Variants in SNX1 observed in about 807,000 individuals in gnomAD.
SNX1 encodes the protein sorting nexin-1.
SNX1 carries 36 observed loss-of-function variants against 71.8 expected under a neutral mutation model. The observed-to-expected ratio is 0.50, with a 90% CI of 0.38 to 0.66. The LOEUF (loss-of-function observed/expected upper bound fraction) is 0.66. SNX1 is among the 30% of genes least tolerant of loss of function. SNX1 has a pLI of 0.00. For missense variants in SNX1, 612 were observed against 646.7 expected (o/e 0.95, Z 0.58); for synonymous variants, 254 against 240.7 (o/e 1.06, Z -0.51).
At chr15:64,121,114 C>G (rs1207522629) in intron 4 of SNX1, among the ~76,000 whole-genome samples, 1 of 152,156 alleles carries the variant, frequency 6.6e-6, no homozygotes, top group Non-Finnish European at 1.5e-5. Context: ...GCTAGTTATT[C>G]ACCGCTTTAA....
rs74019206 is a variant in SNX1, at chr15:64,123,583, A to G, written c.510+37A>G. 2.2e-3 allele frequency: 3,401 copies of G among 1,569,278 alleles called. 76 individuals are homozygous for G. The African/African-American group carries it at 0.04, about 19-fold the overall frequency. ...TGACCCTGCTGATGACCATCTTCAT[A>G]GACTTTGGTGCTTATACCAAGGTCA... On this transcript the variant is annotated intron_variant, in intron 5 of 14. Transcript: ENST00000559844.
At chr15:64,100,202 C>T (rs182865958) in intron 1 of SNX1, among the ~76,000 whole-genome samples, 3 of 152,326 alleles carry the variant, frequency 2.0e-5, no homozygotes, top group Admixed American at 2.0e-4. Flanking sequence ...CTCTCTTTTA[C>T]AGCCCAAGAG....
rs770970203 is a variant in SNX1 at position 64,118,219 on chromosome 15, CGAA to C, written c.376_378del (p.Lys126del). 1 of 1,613,420 alleles carries C rather than the reference CGAA, an allele frequency of 6.2e-7. No homozygotes were observed. The highest frequency in any genetic ancestry group is 1.1e-5 in the South Asian group (1 of 91,020). ...CCTCCTCAGGAAGCCACAAATTCTTCGAAGCCCCAGCCAACCTATGAGGAGGTG... is the reference window on the plus strand; with the variant it reads ...CCTCCTCAGGAAGCCACAAATTCTTCGCCCCAGCCAACCTATGAGGAGGTG... On this transcript the variant is annotated inframe_deletion, in exon 3 of 15. Coordinates refer to ENST00000559844, the MANE Select transcript of SNX1 (RefSeq NM_003099.5).
In SNX1 at chr15:64,141,039, TAG is replaced by T. The variant is rs1433234688; in HGVS notation, c.*3423_*3424del. On this transcript the variant is annotated 3_prime_UTR_variant, in exon 15 of 15. Transcript: ENST00000559844. The surrounding 1 kb of genome is among the most constrained non-coding windows in gnomAD (Gnocchi z 5.1). ...TAGATAGATAGATGATAGATATAGA[TAG>T]ATAGATAGATTGATTGATTTGTAGA... The T allele has an allele frequency of 2.1e-5, 3 of 140,438 alleles. No individual in the cohort carries two copies. Among genetic ancestry groups the T allele is most frequent in the African/African-American group, 5.8e-5 (2 of 34,428 alleles). 8.7% of individuals were successfully genotyped at this position (140,438 alleles called of 1,614,324 possible). A position where few individuals can be genotyped will look rare whatever the true frequency, so the allele number is the denominator to read the frequency against.
chr15:64,137,368 G>A (rs543685666), intron 14 of SNX1, among the ~76,000 whole-genome samples, 200 bp from the exon 15 acceptor site: 3 of 152,334 alleles, frequency 2.0e-5, no homozygotes, highest in Admixed American at 6.5e-5. Context: ...GACTGCCCTT[G>A]CACTTGGGGC....
chr15:64,116,584 T>C (rs1276172313), intron 2 of SNX1, among the ~76,000 whole-genome samples: 1 of 152,218 alleles, frequency 6.6e-6, no homozygotes, highest in Non-Finnish European at 1.5e-5. Context: ...GCATAAACCA[T>C]CATCTCTGGT....
At chr15:64,124,147 C>CATAGATATATATATAT (rs2081223975) in intron 5 of SNX1, among the ~76,000 whole-genome samples, 1 of 105,434 alleles carries the variant, frequency 9.5e-6, no homozygotes, top group Admixed American at 8.2e-5. Context: ...GAAATCTTTA[C>CATAGATATATATATAT]ATATATATAT....
At chr15:64,096,301 C>G (rs576256453) in intron 1 of SNX1, 129 bp downstream of exon 1, 5 of 1,128,904 alleles carry the variant, frequency 4.4e-6, no homozygotes, top group South Asian at 1.6e-5. Context: ...CAGTCCGGGC[C>G]CCGGGGACCC....
intron 9 of SNX1, 50 bp downstream of exon 9, chr15:64,130,079 T>TTCTGACC: frequency 1.3e-6 from 2 of 1,511,240 alleles, no homozygotes; most frequent in Non-Finnish European, 1.8e-6. Flanking sequence ...GGCTTATGGG[T>TTCTGACC]CAGAACCCCT....
chr15:64,136,998 G>T, intron 14 of SNX1, 66 bp downstream of exon 14: 1 of 1,333,546 alleles, frequency 7.5e-7, no homozygotes, highest in Non-Finnish European at 1.1e-6. Flanking sequence ...CCTCCTCGGG[G>T]CTTCTGCAAC....
At chr15:64,109,996 G>A (rs2081063010) in intron 1 of SNX1, among the ~76,000 whole-genome samples, 1 of 152,080 alleles carries the variant, frequency 6.6e-6, no homozygotes, top group African/African-American at 2.4e-5. Context: ...AATCAGATGT[G>A]GATTTATATA....
At position 64,138,150 on chromosome 15, in the gene SNX1, T is replaced by C; in HGVS notation, c.*532T>C. On this transcript the variant is annotated 3_prime_UTR_variant, in exon 15 of 15. Coordinates refer to ENST00000559844, the MANE Select transcript of SNX1 (RefSeq NM_003099.5). Reference sequence around the variant, plus strand: ...CAAGTTTTGTGCTGCTGCTTCCCTCTGGAAATGGGGTTTCTTTCTCTCCGC... The same window carrying C: ...CAAGTTTTGTGCTGCTGCTTCCCTCCGGAAATGGGGTTTCTTTCTCTCCGC... 1 of 1,535,714 alleles carries C rather than the reference T, an allele frequency of 6.5e-7. No individual in the cohort carries two copies. Among genetic ancestry groups the C allele is most frequent in the Non-Finnish European group, 8.7e-7 (1 of 1,146,890 alleles).
chr15:64,131,484 C>T, intron 10 of SNX1: 1 of 572,180 alleles, frequency 1.7e-6, no homozygotes, highest in Non-Finnish European at 3.1e-6. Context: ...GCTGGTGCCT[C>T]TCCCTCCTGC....
intron 8 of SNX1, among the ~76,000 whole-genome samples, chr15:64,128,608 G>A (rs548496189): frequency 1.8e-4 from 27 of 152,174 alleles, no homozygotes; most frequent in African/African-American, 6.5e-4. Context: ...ATAAATGAGG[G>A]GGTTTTCTCC....
Position 64,126,229 on chromosome 15 carries a change from G to A in SNX1, c.652+9G>A, listed in dbSNP as rs1488570126. 2 of 1,609,808 alleles carry A rather than the reference G, an allele frequency of 1.2e-6. No homozygotes were observed. Among genetic ancestry groups the A allele is most frequent in the Non-Finnish European group, 1.7e-6 (2 of 1,178,922 alleles). On this transcript the variant is annotated intron_variant, in intron 6 of 14. Coordinates refer to ENST00000559844, the MANE Select transcript of SNX1 (RefSeq NM_003099.5). ...GGAGAAGAGCCTCATAGGTAAGCCT[G>A]TGGTCTTTCATTCCACTTGGATTGT...
rs1028459854 is a variant in SNX1 at position 64,129,891 on chromosome 15, C to T, written c.808-25C>T. ...AAAATAGGGGCAGCAGATAACTTGCCATCCCTGCCTTCTTGGTCTTGTAGC... is the reference window on the plus strand; with the variant it reads ...AAAATAGGGGCAGCAGATAACTTGCTATCCCTGCCTTCTTGGTCTTGTAGC... On this transcript the variant is annotated intron_variant, in intron 8 of 14. Transcript: ENST00000559844. This position sits in a 1 kb window ranked among gnomAD's most constrained non-coding sequence, Gnocchi z 4.4. The T allele has an allele frequency of 1.9e-6, 3 of 1,548,010 alleles. No individual in the cohort carries two copies. The highest frequency in any genetic ancestry group is 2.2e-5 in the South Asian group (2 of 89,668).
chr15:64,134,730 A>G lies in SNX1; in HGVS notation c.1288A>G (p.Lys430Glu). The G allele has an allele frequency of 6.2e-7, 1 of 1,613,978 alleles. No homozygotes were observed. Among genetic ancestry groups the G allele is most frequent in the Non-Finnish European group, 8.5e-7 (1 of 1,180,044 alleles). Residue 430 changes from lysine to glutamate, a missense_variant, in exon 12 of 15, where the codon AAG (lysine) becomes GAG (glutamate). Lys to Glu is a moderately conservative substitution (Grantham distance 56). This residue lies in a region of SNX1 where 296 missense variants were observed against 361.9 expected (regional missense o/e 0.82). Transcript: ENST00000559844. This position sits in a 1 kb window ranked among gnomAD's most constrained non-coding sequence, Gnocchi z 4.1. ...GGATGCCCAAGCCACACTGCAGAAG[A>G]AGCGGGAGGCCGAGGCTCGGCTGCT... ...WQDAQATLQK[K>E]REAEARLLWA...
intron 1 of SNX1, among the ~76,000 whole-genome samples, chr15:64,100,106 G>C (rs1595972145): frequency 1.3e-5 from 2 of 152,222 alleles, no homozygotes; most frequent in African/African-American, 4.8e-5. Flanking sequence ...TTTTGAAGTT[G>C]AGGCATGTAA....
At chr15:64,107,575 C>T (rs575340719) in intron 1 of SNX1, among the ~76,000 whole-genome samples, 7 of 152,284 alleles carry the variant, frequency 4.6e-5, no homozygotes, top group African/African-American at 9.6e-5. Flanking sequence ...GCACACCTTT[C>T]TAGTACCTCT....
Sources: gnomAD v4.1 joint callset for allele counts (sites outside exome capture counted in the v4.1 genomes callset) on GRCh38, gnomAD v4.1.1 for gene constraint, gnomAD v4.1.1 regional missense constraint, Gnocchi (gnomAD v3.1) non-coding constraint, MANE v1.5 for transcripts, NCBI Gene and HGNC (gene_info 2026-07-23, HGNC 2026-07-21) for gene names.